The following HKDC1 variants were observed in gnomAD, a reference collection of about 807,000 sequenced individuals.
The protein encoded by HKDC1 is hexokinase domain containing 1, also known as hexokinase HKDC1.
In HKDC1, 66 loss-of-function variants were observed where a neutral mutation model predicts 96.6. The observed-to-expected ratio is 0.68, with a 90% confidence interval of 0.56 to 0.84. The LOEUF is 0.84. HKDC1 is among the 40% of genes least tolerant of loss of function. The pLI, the probability that HKDC1 is intolerant of heterozygous loss-of-function variation, is 0.00. For synonymous variants in HKDC1, 466 were observed against 473.1 expected, an observed-to-expected ratio of 0.98 and a Z score of 0.20; for missense variants, 1,211 against 1,208.1, an observed-to-expected ratio of 1.00 and a Z score of -0.04.
rs1458051774 is a variant in HKDC1 at position 69,267,478 on chromosome 10, T to C, written c.*721T>C. On this transcript the variant is annotated 3_prime_UTR_variant, in exon 18 of 18. Coordinates refer to ENST00000354624, the MANE Select transcript of HKDC1 (RefSeq NM_025130.4). ...TTGCCTGTGGTTTGTGTTGCAGGTG[T>C]TGATAGTTGTTTTAAGGATTGTTAG... 1 of 455,936 alleles carries C rather than the reference T, an allele frequency of 2.2e-6. No homozygotes were observed. Among genetic ancestry groups the C allele is most frequent in the Non-Finnish European group, 4.4e-6 (1 of 226,914 alleles). The allele number at this position is 455,936 out of a possible 1,614,324, so 28.2% of individuals were successfully genotyped here.
chr10:69,223,578 A>ATTTTTTTT (rs60016100), intron 1 of HKDC1, among the ~76,000 whole-genome samples: 6 of 85,580 alleles, frequency 7.0e-5, no homozygotes, highest in African/African-American at 1.4e-4. Context: ...CCACAATCTA[A>ATTTTTTTT]TTTTTTTTTT....
chr10:69,246,251 G>C lies in HKDC1; in HGVS notation c.1031+17G>C. 1 of 1,611,626 alleles carries C rather than the reference G, an allele frequency of 6.2e-7. No individual in the cohort carries two copies. Among genetic ancestry groups the C allele is most frequent in the Non-Finnish European group, 8.5e-7 (1 of 1,178,708 alleles). ...CATGGAGAAGTAAGCAAGTCCCTCT[G>C]CCTTGGCTCTGTGGAGGGCTGGGAT... is the stretch of plus-strand genomic sequence containing the variant. On this transcript the variant is annotated intron_variant, in intron 8 of 17. Transcript: ENST00000354624.
At chr10:69,244,199 C>T (rs1258099954) in intron 7 of HKDC1, among the ~76,000 whole-genome samples, 1 of 152,194 alleles carries the variant, frequency 6.6e-6, no homozygotes, top group Non-Finnish European at 1.5e-5. Context: ...GAAGCTGCCT[C>T]CTGTGTCCTT....
chr10:69,254,498 C>T (rs532477141), intron 12 of HKDC1, among the ~76,000 whole-genome samples: 24 of 152,270 alleles, frequency 1.6e-4, no homozygotes, highest in Middle Eastern at 3.4e-3. Flanking sequence ...ACTCATTGAG[C>T]GCTGATTCCC....
chr10:69,246,428 T>C (rs1843542241), intron 8 of HKDC1, among the ~76,000 whole-genome samples, 194 bp downstream of exon 8: 1 of 152,234 alleles, frequency 6.6e-6, no homozygotes, highest in African/African-American at 2.4e-5. Context: ...GTTGGTTTCA[T>C]CAGTGAGGGA....
At chr10:69,257,180 G>A (rs1843731404) in intron 13 of HKDC1, 49 bp downstream of exon 13, 1 of 1,551,554 alleles carries the variant, frequency 6.4e-7, no homozygotes, top group Admixed American at 1.7e-5. Flanking sequence ...CCTTCCCCAG[G>A]CCCCTCTGCT....
At position 69,247,457 on chromosome 10, in the gene HKDC1, A is replaced by T. The variant is rs753331440; in HGVS notation, c.1129A>T (p.Ile377Phe). Residue 377 changes from isoleucine to phenylalanine, a missense_variant, in exon 9 of 18, where the codon ATC becomes TTC. By Grantham distance (21) the Ile-to-Phe change is conservative. Coordinates refer to ENST00000354624, the MANE Select transcript of HKDC1 (RefSeq NM_025130.4). ...CATTGCCGTCCAGCATGTCTGTACCATCGTCTCCTTCCGCTCGGCCAATCT... is the reference window on the plus strand; with the variant it reads ...CATTGCCGTCCAGCATGTCTGTACCTTCGTCTCCTTCCGCTCGGCCAATCT... ...DCIAVQHVCT[I>F]VSFRSANLCA... 3 of 1,614,094 alleles carry T rather than the reference A, an allele frequency of 1.9e-6. No homozygotes were observed.
At chr10:69,220,904 C>G (rs1440778528) in intron 1 of HKDC1, among the ~76,000 whole-genome samples, 1 of 152,216 alleles carries the variant, frequency 6.6e-6, no homozygotes, top group Non-Finnish European at 1.5e-5. Flanking sequence ...AATCCTAGCA[C>G]TTTAGGAGGC....
chr10:69,226,163 T>C (rs984262693), intron 1 of HKDC1, among the ~76,000 whole-genome samples: 2 of 152,202 alleles, frequency 1.3e-5, no homozygotes, highest in Non-Finnish European at 2.9e-5. Flanking sequence ...CTGCCGTCCC[T>C]GATGTGACAT....
intron 10 of HKDC1, among the ~76,000 whole-genome samples, chr10:69,250,030 C>A (rs1162270333): frequency 6.6e-6 from 1 of 152,220 alleles, no homozygotes; most frequent in Non-Finnish European, 1.5e-5. Context: ...CTTTTCACGG[C>A]ACCTCACTGG....
chr10:69,233,400 G>T (rs183293058), intron 4 of HKDC1, among the ~76,000 whole-genome samples: 300 of 152,278 alleles, frequency 2.0e-3, no homozygotes, highest in Non-Finnish European at 3.4e-3. Flanking sequence ...TCCTTGGAGG[G>T]CTTGTTTTAA....
intron 6 of HKDC1, among the ~76,000 whole-genome samples, chr10:69,240,972 A>C (rs1843448936): frequency 6.6e-6 from 1 of 152,070 alleles, no homozygotes; most frequent in Non-Finnish European, 1.5e-5. Context: ...TGGAGTGGGG[A>C]GTTCCTGTGC....
At chr10:69,230,863 T>C (rs936089630) in intron 2 of HKDC1, among the ~76,000 whole-genome samples, 3 of 152,180 alleles carry the variant, frequency 2.0e-5, no homozygotes, top group Non-Finnish European at 4.4e-5. Flanking sequence ...GGATTAATTC[T>C]CCTGCCTGGG....
At chr10:69,249,617 T>A (rs1843604003) in intron 10 of HKDC1, among the ~76,000 whole-genome samples, 1 of 152,202 alleles carries the variant, frequency 6.6e-6, no homozygotes, top group African/African-American at 2.4e-5. Flanking sequence ...TGCCTCAGCC[T>A]CCCGAGTAGC....
intron 15 of HKDC1, among the ~76,000 whole-genome samples, chr10:69,259,815 C>A (rs1843779654): frequency 6.6e-6 from 1 of 152,176 alleles, no homozygotes; most frequent in African/African-American, 2.4e-5. Flanking sequence ...AGAACCCACT[C>A]ACTATCACCA....
rs897308053 is a variant in HKDC1, at chr10:69,235,892, G to A, written c.495+2759G>A. Among the ~76,000 whole-genome samples, 6 of 152,194 alleles carry A rather than the reference G, an allele frequency of 3.9e-5. No individual in the cohort carries two copies. In the East Asian group the frequency reaches 9.7e-4, roughly 24 times the overall value. ...TCGCGCTGTGCCAAATGCTTTATGCGCATTATCTTGTTAAATCCCCCAAAC... is the reference window on the plus strand; with the variant it reads ...TCGCGCTGTGCCAAATGCTTTATGCACATTATCTTGTTAAATCCCCCAAAC... On this transcript the variant is annotated intron_variant, in intron 4 of 17. Transcript: ENST00000354624.
At chr10:69,247,149 A>G (rs536306832) in intron 8 of HKDC1, among the ~76,000 whole-genome samples, 79 of 152,322 alleles carry the variant, frequency 5.2e-4, no homozygotes, top group African/African-American at 1.9e-3. Context: ...AGGAGTTACT[A>G]TGTGTAAAAT....
chr10:69,247,615 C>T (rs370270952), intron 9 of HKDC1, 22 bp downstream of exon 9: 36 of 1,588,160 alleles, frequency 2.3e-5, no homozygotes, highest in African/African-American at 1.5e-4. Context: ...CTGCCATCCA[C>T]GCCCCCACAA....
Position 69,243,475 on chromosome 10 carries a change from A to T in HKDC1, c.875+110A>T. ...CAGTTGTGACTAGCTATCCATCACA[A>T]CTTTCTTTCTTTTTTTCTTTTTCCT... On this transcript the variant is annotated intron_variant, in intron 7 of 17. Coordinates refer to ENST00000354624, the MANE Select transcript of HKDC1 (RefSeq NM_025130.4). The T allele has an allele frequency of 3.4e-6, 3 of 880,256 alleles. No homozygotes were observed. In the South Asian group the frequency reaches 7.1e-5, roughly 21 times the overall value. 54.5% of individuals were successfully genotyped at this position (880,256 alleles called of 1,614,324 possible).
Sources: allele counts gnomAD v4.1 joint callset (sites outside exome capture counted in the v4.1 genomes callset), GRCh38; gene constraint gnomAD v4.1.1; transcripts MANE v1.5; gene names NCBI Gene and HGNC (gene_info 2026-07-23, HGNC 2026-07-21).